The following PLS1 variants were observed in gnomAD, a reference collection of about 807,000 sequenced individuals.
The protein encoded by PLS1 is plastin 1, also known as plastin-1.
A neutral mutation model predicts 73.7 loss-of-function variants in PLS1; 32 were observed. That is an observed-to-expected ratio of 0.43 (90% confidence interval 0.33 to 0.58). The LOEUF is 0.58. Among genes scored for constraint, PLS1 ranks in the 20% least tolerant of loss-of-function variants. The probability of loss-of-function intolerance (pLI) is 0.04; values close to 1 mark genes in which losing one functional copy is unlikely to be tolerated. For missense variants in PLS1, 633 were observed against 740.5 expected (o/e 0.85, Z 1.68); for synonymous variants, 217 against 261.3 (o/e 0.83, Z 1.63).
intron 14 of PLS1, among the ~76,000 whole-genome samples, chr3:142,709,313 CAGAAA>C (rs1932996965): frequency 1.3e-5 from 2 of 152,040 alleles, no homozygotes; most frequent in African/African-American, 4.8e-5. Flanking sequence ...TTCTCAGAAA[CAGAAA>C]AGATACAAAA....
At chr3:142,630,267 A>G (rs2036525434) in intron 1 of PLS1, among the ~76,000 whole-genome samples, 1 of 151,756 alleles carries the variant, frequency 6.6e-6, no homozygotes, top group African/African-American at 2.4e-5. Context: ...CTAAAAAGAC[A>G]AAAACTATCG....
chr3:142,645,581 G>A (rs1467869429), intron 1 of PLS1: 2 of 152,154 alleles, frequency 1.3e-5, no homozygotes, highest in Non-Finnish European at 2.9e-5. Context: ...AAACCAGGAG[G>A]TAATACCTGG....
At chr3:142,649,636 TC>T (rs1290573566) in intron 1 of PLS1, among the ~76,000 whole-genome samples, 1 of 145,720 alleles carries the variant, frequency 6.9e-6, no homozygotes, top group Non-Finnish European at 1.5e-5. Context: ...AGACTCTGTC[TC>T]AAAAAAAAAA....
intron 15 of PLS1, 73 bp downstream of exon 15, chr3:142,711,698 T>C: frequency 1.4e-6 from 2 of 1,383,260 alleles, no homozygotes; most frequent in Non-Finnish European, 2.0e-6. Context: ...AAAGTTACTA[T>C]GCCCTTAAAA....
chr3:142,641,693 GC>G (rs1683474756), intron 1 of PLS1, among the ~76,000 whole-genome samples: 1 of 151,988 alleles, frequency 6.6e-6, no homozygotes, highest in Admixed American at 6.6e-5. Flanking sequence ...CTGGGTGGTG[GC>G]GGTCTTCCTA....
chr3:142,632,655 G>C (rs1224763784), intron 1 of PLS1, among the ~76,000 whole-genome samples: 1 of 150,112 alleles, frequency 6.7e-6, no homozygotes, highest in Non-Finnish European at 1.5e-5. Flanking sequence ...CTGGAGTGCT[G>C]TGGCATGATC....
At chr3:142,650,990 A>G (rs906407800) in intron 1 of PLS1, among the ~76,000 whole-genome samples, 8 of 152,088 alleles carry the variant, frequency 5.3e-5, no homozygotes, top group Admixed American at 5.2e-4. Context: ...CATCTTTCAG[A>G]GGAGGTGACA....
chr3:142,611,113 T>C (rs988788870), intron 1 of PLS1, among the ~76,000 whole-genome samples: 10 of 152,224 alleles, frequency 6.6e-5, no homozygotes, highest in Non-Finnish European at 1.3e-4. Flanking sequence ...GGCACTGAAA[T>C]GTTAATTTCT....
chr3:142,688,107 C>G (rs1239014512), intron 9 of PLS1, among the ~76,000 whole-genome samples: 1 of 152,036 alleles, frequency 6.6e-6, no homozygotes, highest in East Asian at 1.9e-4. Flanking sequence ...ACCACCACAC[C>G]TGGTTAATTT....
intron 1 of PLS1, among the ~76,000 whole-genome samples, chr3:142,624,113 G>A (rs369290642): frequency 6.6e-6 from 1 of 152,114 alleles, no homozygotes; most frequent in East Asian, 1.9e-4. Flanking sequence ...AATATCTCCA[G>A]TACTAGGAAT....
At chr3:142,707,751 A>G (rs1244311139) in intron 14 of PLS1, among the ~76,000 whole-genome samples, 1 of 152,342 alleles carries the variant, frequency 6.6e-6, no homozygotes, top group East Asian at 1.9e-4. Flanking sequence ...AGAGCTCACT[A>G]TTCAGGGAAG....
chr3:142,699,704 G>A (rs2038286558), intron 12 of PLS1, among the ~76,000 whole-genome samples: 2 of 152,186 alleles, frequency 1.3e-5, no homozygotes, highest in African/African-American at 4.8e-5. Context: ...CACATACAGA[G>A]ATGTATTCAA....
At chr3:142,683,348 C>G (rs1037400176) in intron 6 of PLS1, among the ~76,000 whole-genome samples, 1 of 152,152 alleles carries the variant, frequency 6.6e-6, no homozygotes, top group South Asian at 2.1e-4. Context: ...ACTAAAAACA[C>G]GAAAAACTGG....
At chr3:142,604,700 C>T (rs1320269670) in intron 1 of PLS1, among the ~76,000 whole-genome samples, 3 of 152,022 alleles carry the variant, frequency 2.0e-5, no homozygotes, top group Non-Finnish European at 4.4e-5. Context: ...TTTGGGAGGC[C>T]GAGGCAGGCG....
chr3:142,707,704 T>G (rs540773600), intron 14 of PLS1, among the ~76,000 whole-genome samples: 1 of 152,222 alleles, frequency 6.6e-6, no homozygotes, highest in Non-Finnish European at 1.5e-5. Flanking sequence ...CTGTGTCAGG[T>G]GCCTTGCTAG....
At chr3:142,673,673 C>G (rs2037657359) in intron 4 of PLS1, 2 of 152,426 alleles carry the variant, frequency 1.3e-5, no homozygotes, top group East Asian at 3.9e-4. Context: ...ATCTGGCTGG[C>G]TAGGCAGGTG....
At chr3:142,673,904 C>G (rs1350605622) in intron 4 of PLS1, 1 of 152,228 alleles carries the variant, frequency 6.6e-6, no homozygotes, top group African/African-American at 2.4e-5. Context: ...TTCTTCAATT[C>G]TCACCAACAC....
intron 6 of PLS1, among the ~76,000 whole-genome samples, chr3:142,681,165 A>G (rs555725574): frequency 6.6e-6 from 1 of 152,184 alleles, no homozygotes; most frequent in Non-Finnish European, 1.5e-5. Context: ...CAAAATACTT[A>G]TAGAATATTT....
At chr3:142,629,563 A>G (rs531935678) in intron 1 of PLS1, among the ~76,000 whole-genome samples, 3 of 152,300 alleles carry the variant, frequency 2.0e-5, no homozygotes, top group East Asian at 3.9e-4. Flanking sequence ...ATTAGCACAC[A>G]TGGGTATGAG....
Sources: allele counts gnomAD v4.1 joint callset (sites outside exome capture counted in the v4.1 genomes callset), GRCh38; gene constraint gnomAD v4.1.1; transcripts MANE v1.5; gene names NCBI Gene and HGNC (gene_info 2026-07-23, HGNC 2026-07-21).